Variants in RGS6 observed in about 807,000 individuals in gnomAD.
RGS6 encodes the protein regulator of G-protein signaling 6.
In RGS6, 30 loss-of-function variants were observed where a neutral mutation model predicts 78.5. The observed-to-expected ratio is 0.38, with a 90% CI of 0.29 to 0.52. RGS6 has a LOEUF of 0.52. RGS6 is among the 20% of genes least tolerant of loss of function. RGS6 has a pLI of 0.85. For missense variants in RGS6, 495 were observed against 609.7 expected (o/e 0.81, Z 1.98); for synonymous variants, 206 against 206.0 (o/e 1.00, Z 0.00).
chr14:72,600,505 G>A, the RGS6 span, among the ~76,000 whole-genome samples: 3,245 of 152,050 alleles, frequency 0.021, 114 homozygotes, highest in African/African-American at 0.074. Flanking sequence ...AGGGTTGCAC[G>A]ATAAGAGGCA....
chr14:72,523,057 C>G (rs750888275), intron 15 of RGS6, among the ~76,000 whole-genome samples: 3 of 152,238 alleles, frequency 2.0e-5, no homozygotes, highest in Non-Finnish European at 2.9e-5. Flanking sequence ...TCCTGGACAG[C>G]ACTGGCTGCC....
At chr14:72,012,500 T>G (rs1004840791) in intron 2 of RGS6, among the ~76,000 whole-genome samples, 1 of 152,230 alleles carries the variant, frequency 6.6e-6, no homozygotes, top group African/African-American at 2.4e-5. Context: ...TTTTGATACC[T>G]TAATTCATGT....
chr14:71,885,049 C>T, the RGS6 span, among the ~76,000 whole-genome samples: 35 of 152,268 alleles, frequency 2.3e-4, no homozygotes, highest in Admixed American at 9.8e-4. Flanking sequence ...GCTTTCTGTC[C>T]AATACTATTG....
chr14:72,296,863 C>A (rs1192549374), intron 2 of RGS6, among the ~76,000 whole-genome samples: 1 of 152,116 alleles, frequency 6.6e-6, no homozygotes, highest in African/African-American at 2.4e-5. Context: ...CTCAAAGTCA[C>A]AAAGATTTAT....
chr14:71,952,352 TG>T (rs2152998856), intron 1 of RGS6, among the ~76,000 whole-genome samples: 2 of 152,336 alleles, frequency 1.3e-5, no homozygotes, highest in South Asian at 4.1e-4. Flanking sequence ...TTTGATTAAA[TG>T]CCTTAAAGCC....
intron 2 of RGS6, among the ~76,000 whole-genome samples, chr14:72,109,645 G>T (rs1355608089): frequency 6.6e-6 from 1 of 152,182 alleles, no homozygotes; most frequent in Non-Finnish European, 1.5e-5. Flanking sequence ...ACATGGTCTG[G>T]AGTAGAAGTA....
At chr14:72,474,765 A>G in intron 10 of RGS6, 66 bp downstream of exon 10, 7 of 1,265,586 alleles carry the variant, frequency 5.5e-6, no homozygotes, top group Non-Finnish European at 7.9e-6. Context: ...AGTACTATTC[A>G]AATAGTAATT....
intron 2 of RGS6, among the ~76,000 whole-genome samples, chr14:72,286,522 AT>A (rs34090238): frequency 0.098 from 14,702 of 149,366 alleles, 1,831 homozygotes; most frequent in African/African-American, 0.3. Flanking sequence ...GAATTTTAGT[AT>A]TTTTTTTTTC....
At chr14:72,012,409 T>A (rs1287093782) in intron 2 of RGS6, among the ~76,000 whole-genome samples, 4 of 152,216 alleles carry the variant, frequency 2.6e-5, no homozygotes, top group Admixed American at 1.3e-4. Context: ...TTAAAGAATG[T>A]CATGAACATT....
At chr14:72,547,768 C>T (rs867543347) in intron 17 of RGS6, among the ~76,000 whole-genome samples, 16 of 152,218 alleles carry the variant, frequency 1.1e-4, no homozygotes, top group African/African-American at 3.9e-4. Flanking sequence ...TTCCATGCCC[C>T]CTAATCATGG....
intron 2 of RGS6, among the ~76,000 whole-genome samples, chr14:72,219,608 T>C (rs1470526410): frequency 2.0e-5 from 3 of 152,164 alleles, no homozygotes; most frequent in African/African-American, 4.8e-5. Context: ...AACTGTATAT[T>C]AGGGATATCA....
chr14:72,459,714 C>T (rs1158712913), intron 6 of RGS6, 31 bp downstream of exon 6: 3 of 1,608,590 alleles, frequency 1.9e-6, no homozygotes, highest in South Asian at 2.2e-5. Context: ...GAACTCTCAA[C>T]TTCAACACTG....
chr14:72,470,002 A>G lies in RGS6; in HGVS notation c.460-5A>G, dbSNP rs914471039. ...GCCGCCTTGTTGATTTTCATTTCTCATTAGGAAAACTTAGCAAGACTCCAG... is the reference window on the plus strand; with the variant it reads ...GCCGCCTTGTTGATTTTCATTTCTCGTTAGGAAAACTTAGCAAGACTCCAG... On this transcript the variant is annotated splice_polypyrimidine_tract_variant and splice_region_variant and intron_variant, in intron 7 of 17. Transcript: ENST00000553525. 2 of 1,608,670 alleles carry G rather than the reference A, an allele frequency of 1.2e-6. No individual in the cohort carries two copies. Among genetic ancestry groups the G allele is most frequent in the Non-Finnish European group, 1.7e-6 (2 of 1,175,488 alleles).
chr14:72,199,444 C>T (rs1210444818), intron 2 of RGS6, among the ~76,000 whole-genome samples: 7 of 152,194 alleles, frequency 4.6e-5, no homozygotes, highest in Non-Finnish European at 1.0e-4. Context: ...ACAATGCCAA[C>T]AGTCCAAGAG....
chr14:72,413,827 A>C (rs954089942), intron 3 of RGS6, among the ~76,000 whole-genome samples: 5 of 152,164 alleles, frequency 3.3e-5, no homozygotes, highest in African/African-American at 1.2e-4. Flanking sequence ...TTCACTTATG[A>C]AGCTTAGTTT....
At chr14:72,469,205 C>CA (rs1407361681) in intron 7 of RGS6, among the ~76,000 whole-genome samples, 1 of 134,336 alleles carries the variant, frequency 7.4e-6, no homozygotes, top group Non-Finnish European at 1.6e-5. Flanking sequence ...CCGTTTGGGG[C>CA]ACTTTTTTTT....
rs1329941573 is a variant in RGS6, at chr14:71,980,756, C to T, written c.84+15881C>T. Among the ~76,000 whole-genome samples the T allele has an allele frequency of 6.1e-4, 48 of 79,246 alleles. 1 individual carries two copies. Among genetic ancestry groups the T allele is most frequent in the Admixed American group, 1.2e-3 (9 of 7,250 alleles). 52.0% of individuals were successfully genotyped at this position (79,246 alleles called of 152,430 possible). A position where few individuals can be genotyped will look rare whatever the true frequency, so the allele number is the denominator to read the frequency against. The stretch of plus-strand genomic sequence containing the variant: ...TTATGTGTCTTGGAGTTGCTCTTCT[C>T]GAGGAGTATCTTTGTGGCGTTCTCT... On this transcript the variant is annotated intron_variant, in intron 2 of 17. Coordinates refer to ENST00000553525, the MANE Select transcript of RGS6 (RefSeq NM_001204424.2).
chr14:72,026,401 C>T (rs995124022), intron 2 of RGS6, among the ~76,000 whole-genome samples: 1 of 151,554 alleles, frequency 6.6e-6, no homozygotes, highest in Non-Finnish European at 1.5e-5. Context: ...ACAGAGACTC[C>T]ATCTCAAAAA....
At chr14:71,899,101 C>T in the RGS6 span, among the ~76,000 whole-genome samples, 6 of 152,056 alleles carry the variant, frequency 3.9e-5, no homozygotes, top group African/African-American at 7.2e-5. Flanking sequence ...ATCAAAAAAG[C>T]GCATCTTCCC....
Sources: gnomAD v4.1 joint callset for allele counts (sites outside exome capture counted in the v4.1 genomes callset) on GRCh38, gnomAD v4.1.1 for gene constraint, MANE v1.5 for transcripts, NCBI Gene and HGNC (gene_info 2026-07-23, HGNC 2026-07-21) for gene names.